The following PTPN23 variants were observed in gnomAD, a reference collection of about 807,000 sequenced individuals.
PTPN23 encodes the protein protein tyrosine phosphatase non-receptor type 23.
A neutral mutation model predicts 156.3 loss-of-function variants in PTPN23; 72 were observed. The observed-to-expected ratio is 0.46, with a 90% CI of 0.38 to 0.56. The LOEUF is 0.56. Ranked by LOEUF, PTPN23 falls within the 20% of genes least tolerant of loss-of-function variation. The pLI, the probability that PTPN23 is intolerant of heterozygous loss-of-function variation, is 0.00. For synonymous variants in PTPN23, 957 were observed against 899.6 expected (o/e 1.06, Z -1.14); for missense variants, 1,974 against 2,171.5 (o/e 0.91, Z 1.81).
In PTPN23 at chr3:47,388,850, A is replaced by G. The variant is rs909674912; in HGVS notation, c.85-7293A>G. ...CAGCTAATTTTTGTCTTTTTAGTAG[A>G]GTCTGGGTTTTGCCATGTTGGACAG... On this transcript the variant is annotated intron_variant, in intron 1 of 24. Coordinates refer to ENST00000265562, the MANE Select transcript of PTPN23 (RefSeq NM_015466.4). Among the ~76,000 whole-genome samples the G allele has an allele frequency of 4.6e-5, 7 of 152,038 alleles. No individual in the cohort carries two copies. The East Asian group carries it at 1.4e-3, about 29-fold the overall frequency.
At position 47,405,323 on chromosome 3, in the gene PTPN23, GCT is replaced by G. The variant is rs776442124; in HGVS notation, c.364+245_364+246del. The G allele has an allele frequency of 2.8e-5, 16 of 575,836 alleles. No individual in the cohort carries two copies. Among genetic ancestry groups the G allele is most frequent in the East Asian group, 1.2e-4 (4 of 34,548 alleles). 35.7% of individuals were successfully genotyped at this position (575,836 alleles called of 1,614,324 possible). A position where few individuals can be genotyped will look rare whatever the true frequency, so the allele number is the denominator to read the frequency against. On this transcript the variant is annotated intron_variant, in intron 4 of 24. Coordinates refer to ENST00000265562, the MANE Select transcript of PTPN23 (RefSeq NM_015466.4). The surrounding 1 kb of genome is among the most constrained non-coding windows in gnomAD (Gnocchi z 4.7). ...CTGCCACACAGAGTTGCCACTGTGT[GCT>G]CTGTCTGGGAGAGAGGGCCTTTCTT...
intron 14 of PTPN23, 128 bp downstream of exon 14, chr3:47,408,083 T>C: frequency 8.2e-7 from 1 of 1,220,718 alleles, no homozygotes. Flanking sequence ...AATGCTGCCT[T>C]CCCGCCTGGG....
chr3:47,405,144 C>T lies in PTPN23; in HGVS notation c.364+63C>T. 1 of 1,487,234 alleles carries T rather than the reference C, an allele frequency of 6.7e-7. No homozygotes were observed. The highest frequency in any genetic ancestry group is 9.4e-7 in the Non-Finnish European group (1 of 1,065,480). The allele number at this position is 1,487,234 out of a possible 1,614,324, so 92.1% of individuals were successfully genotyped here. On this transcript the variant is annotated intron_variant, in intron 4 of 24. Coordinates refer to ENST00000265562, the MANE Select transcript of PTPN23 (RefSeq NM_015466.4). The surrounding 1 kb of genome is among the most constrained non-coding windows in gnomAD (Gnocchi z 4.7). ...AGTCCTGCCAGCCTAGCTTTCAGCT[C>T]TTCAGATGGCCACAAAGGCAGTGGG...
intron 2 of PTPN23, among the ~76,000 whole-genome samples, chr3:47,398,741 T>C (rs1704931370): frequency 6.6e-6 from 1 of 152,102 alleles, no homozygotes; most frequent in Non-Finnish European, 1.5e-5. Context: ...ATTTTTAAAT[T>C]TTTTGTAGAG....
Position 47,411,401 on chromosome 3 carries a change from G to A in PTPN23, c.3603G>A (p.Ala1201=), listed in dbSNP as rs370906903. The A allele has an allele frequency of 8.1e-6, 13 of 1,612,958 alleles. No homozygotes were observed. The highest frequency in any genetic ancestry group is 2.2e-5 in the East Asian group (1 of 44,888). Residue 1201 remains alanine (A), a synonymous_variant, in exon 20 of 25, where the codon GCG becomes GCA. Transcript: ENST00000265562. This position sits in a 1 kb window ranked among gnomAD's most constrained non-coding sequence, Gnocchi z 6.3. ...LDTVWRELQD[A]QEHDARGRSI... ...CTGTCTGGCGAGAGCTGCAAGATGC[G>A]CAGGAACATGATGCCCGAGGCCGTT... is the stretch of plus-strand genomic sequence containing the variant.
chr3:47,404,808 C>T (rs1452119197), intron 3 of PTPN23, 29 bp downstream of exon 3: 2 of 1,609,230 alleles, frequency 1.2e-6, no homozygotes, highest in South Asian at 2.2e-5. Flanking sequence ...GCTGGAGGAT[C>T]CCACGGGGAG....
rs770411657 is a variant in PTPN23 at position 47,410,831 on chromosome 3, A to AC, written c.3040dup (p.Leu1014ProfsTer68). The AC allele has an allele frequency of 5.9e-6, 7 of 1,191,844 alleles. No homozygotes were observed. The highest frequency in any genetic ancestry group is 6.5e-6 in the Non-Finnish European group (6 of 923,560). The allele number at this position is 1,191,844 out of a possible 1,614,324, so 73.8% of individuals were successfully genotyped here. A position where few individuals can be genotyped will look rare whatever the true frequency, so the allele number is the denominator to read the frequency against. ...AGCCTGGGGTCCTGGGGCAGCCGCC[A>AC]CCCCCCCTACACACCCAGCTCTACC... On this transcript the variant is annotated frameshift_variant, in exon 20 of 25. Transcript: ENST00000265562. LOFTEE classifies it high-confidence loss of function.
chr3:47,408,476 T>C lies in PTPN23; in HGVS notation c.1316T>C (p.Val439Ala). The C allele has an allele frequency of 6.2e-7, 1 of 1,613,756 alleles. No individual in the cohort carries two copies. The highest frequency in any genetic ancestry group is 8.5e-7 in the Non-Finnish European group (1 of 1,179,780). ...CGGCCCGACACTGTCAGGAACCTTG[T>C]ACAGTCCATGCAAGGTGAGTAAGGG... ...SVRPDTVRNL[V>A]QSMQVLSGVF... Residue 439 changes from valine to alanine, a missense_variant, in exon 15 of 25, where the codon GTA becomes GCA. By Grantham distance (64) the Val-to-Ala change is moderately conservative. Coordinates refer to ENST00000265562, the MANE Select transcript of PTPN23 (RefSeq NM_015466.4).
chr3:47,412,205 G>T lies in PTPN23; in HGVS notation c.4178+7G>T, dbSNP rs754822895. On this transcript the variant is annotated splice_region_variant and intron_variant, in intron 22 of 24. Coordinates refer to ENST00000265562, the MANE Select transcript of PTPN23 (RefSeq NM_015466.4). ...CCATCATTGTGCACTGCAGGTAGAG[G>T]GTGGGCCTGAGGGTCTCTCCTCTAT... 8.7e-6 allele frequency: 14 copies of T among 1,613,136 alleles called. No homozygotes were observed. The highest frequency in any genetic ancestry group is 1.2e-5 in the Non-Finnish European group (14 of 1,180,034).
chr3:47,406,456 T>G lies in PTPN23; in HGVS notation c.628-25T>G, dbSNP rs750861284. Reference sequence around the variant, plus strand: ...TTCACTTTACTGCTGACTCCCCCACTCATTGGGCCCCACCCTGTTCTCAGG... The same window carrying G: ...TTCACTTTACTGCTGACTCCCCCACGCATTGGGCCCCACCCTGTTCTCAGG... On this transcript the variant is annotated intron_variant, in intron 7 of 24. Coordinates refer to ENST00000265562, the MANE Select transcript of PTPN23 (RefSeq NM_015466.4). This position sits in a 1 kb window ranked among gnomAD's most constrained non-coding sequence, Gnocchi z 5.8. The G allele has an allele frequency of 5.6e-6, 9 of 1,613,774 alleles. No individual in the cohort carries two copies. The East Asian group carries it at 1.8e-4, about 32-fold the overall frequency.
At position 47,405,999 on chromosome 3, in the gene PTPN23, G is replaced by A. The variant is rs377445101; in HGVS notation, c.499G>A (p.Val167Ile). 1,006 of 1,613,706 alleles carry A rather than the reference G, an allele frequency of 6.2e-4. 7 individuals are homozygous for A. In the South Asian group the frequency reaches 0.011, roughly 17 times the overall value. The part of the protein sequence containing the change: ...LREHFPQAYS[V>I]DMSRQILTLN... ...GGAGCACTTCCCTCAAGCCTACAGC[G>A]TCGACATGAGCCGCCAGATCCTTAC... Residue 167 changes from valine (V) to isoleucine (I), a missense_variant, in exon 6 of 25, where the codon GTC becomes ATC. Transcript: ENST00000265562. The surrounding 1 kb of genome is among the most constrained non-coding windows in gnomAD (Gnocchi z 4.7).
Position 47,410,964 on chromosome 3 carries a change from T to C in PTPN23, c.3166T>C (p.Ser1056Pro). The C allele has an allele frequency of 6.2e-7, 1 of 1,608,006 alleles. No homozygotes were observed. The stretch of plus-strand genomic sequence containing the variant: ...CCCACTGGCATATGGTCCTGCCCCT[T>C]CTACCAGACCCATGGGCCCCCAGGC... ...HPPLAYGPAP[S>P]TRPMGPQAAP... The change falls in exon 20 of 25, where the codon TCT becomes CCT. Residue 1056 changes from serine to proline, a missense_variant. By Grantham distance (74) the Ser-to-Pro change is moderately conservative (BLOSUM62 -1). Around this residue, in one of 4 missense-constraint regions of PTPN23, gnomAD observed 731 missense variants for 669.1 expected, o/e 1.09. Coordinates refer to ENST00000265562, the MANE Select transcript of PTPN23 (RefSeq NM_015466.4).
At chr3:47,397,358 G>T (rs959597963) in intron 2 of PTPN23, among the ~76,000 whole-genome samples, 1 of 152,216 alleles carries the variant, frequency 6.6e-6, no homozygotes, top group Non-Finnish European at 1.5e-5. Context: ...AAAAAACACA[G>T]CACCTGTGAA....
chr3:47,409,882 G>A (rs1705222544), intron 19 of PTPN23, 46 bp from the exon 20 acceptor site: 1 of 1,585,364 alleles, frequency 6.3e-7, no homozygotes, highest in African/African-American at 1.3e-5. Context: ...CAGACAGGCT[G>A]GGGTGATGGG....
intron 14 of PTPN23, 86 bp from the exon 15 acceptor site, chr3:47,408,259 T>C (rs1187417927): frequency 6.5e-7 from 1 of 1,538,314 alleles, no homozygotes; most frequent in East Asian, 2.3e-5. Flanking sequence ...TCAGATTGAG[T>C]GGTGAGGCTT....
chr3:47,406,386 T>C lies in PTPN23; in HGVS notation c.608T>C (p.Val203Ala). Residue 203 changes from valine to alanine, a missense_variant, in exon 7 of 25, where the codon GTG becomes GCG. Physicochemically the swap from Val to Ala is moderately conservative, Grantham distance 64. Coordinates refer to ENST00000265562, the MANE Select transcript of PTPN23 (RefSeq NM_015466.4). The surrounding 1 kb of genome is among the most constrained non-coding windows in gnomAD (Gnocchi z 5.8). ...SMLDNRKSFLVARISAQVVDY... is the reference protein window; with the variant it reads ...SMLDNRKSFLAARISAQVVDY... The stretch of plus-strand genomic sequence containing the variant: ...TTGGACAACAGGAAGAGCTTTCTGG[T>C]GGCCCGCATCAGTGCACAGGTAGGG... 6.2e-7 allele frequency: 1 copy of C among 1,613,916 alleles called. No individual in the cohort carries two copies. The highest frequency in any genetic ancestry group is 8.5e-7 in the Non-Finnish European group (1 of 1,180,000).
rs1531875 is a variant in PTPN23 at position 47,411,296 on chromosome 3, G to A, written c.3498G>A (p.Glu1166=). 922,931 of 1,611,860 alleles carry A rather than the reference G, an allele frequency of 0.57. 269,526 individuals carry two copies. Among genetic ancestry groups the A allele is most frequent in the Non-Finnish European group, 0.6 (708,946 of 1,179,840 alleles). Residue 1166 remains glutamate, a synonymous_variant, in exon 20 of 25, where the codon GAG becomes GAA. Transcript: ENST00000265562. The surrounding 1 kb of genome is among the most constrained non-coding windows in gnomAD (Gnocchi z 6.3). Reference sequence around the variant, plus strand: ...GGCTGATTGAGCGGGACCCCTATGAGCATCCTGAGAGGCTGCGGCAGTTGC... The same window carrying A: ...GGCTGATTGAGCGGGACCCCTATGAACATCCTGAGAGGCTGCGGCAGTTGC... The part of the protein sequence containing the change: ...ALRLIERDPY[E]HPERLRQLQQ...
At chr3:47,402,143 T>A (rs1487020451) in intron 2 of PTPN23, among the ~76,000 whole-genome samples, 2 of 152,234 alleles carry the variant, frequency 1.3e-5, no homozygotes, top group Non-Finnish European at 2.9e-5. Context: ...GAGGGTTCAT[T>A]TTTTTGTTGT....
Position 47,396,132 on chromosome 3 carries a change from T to C in PTPN23, c.85-11T>C. 6.2e-7 allele frequency: 1 copy of C among 1,609,400 alleles called. No homozygotes were observed. The highest frequency in any genetic ancestry group is 8.5e-7 in the Non-Finnish European group (1 of 1,177,230). ...TCTCTGCCACTGGCTTATGTTCTTC[T>C]CTCTCTGTAGTTTGTCCTGAAGAAT... On this transcript the variant is annotated splice_polypyrimidine_tract_variant and intron_variant, in intron 1 of 24. Coordinates refer to ENST00000265562, the MANE Select transcript of PTPN23 (RefSeq NM_015466.4).
Sources: allele counts gnomAD v4.1 joint callset (sites outside exome capture counted in the v4.1 genomes callset), GRCh38; gene constraint gnomAD v4.1.1; regional missense constraint gnomAD v4.1.1; non-coding constraint Gnocchi (gnomAD v3.1); transcripts MANE v1.5; gene names NCBI Gene and HGNC (gene_info 2026-07-23, HGNC 2026-07-21).